The following KAZN variants were observed in gnomAD, a reference collection of about 807,000 sequenced individuals.
KAZN encodes kazrin, periplakin interacting protein.
In KAZN, 40 loss-of-function variants were observed where a neutral mutation model predicts 87.4. That is an observed-to-expected ratio of 0.46 (90% CI 0.36 to 0.60). The LOEUF is 0.60. Ranked by LOEUF, KAZN falls within the 20% of genes least tolerant of loss-of-function variation. KAZN has a pLI of 0.00. For synonymous variants in KAZN, 466 were observed against 458.3 expected (o/e 1.02, Z -0.22); for missense variants, 898 against 1,073.9 (o/e 0.84, Z 2.29).
chr1:15,092,060 G>GTTTTTTTTTTTTTTTTTTTTTTTTTTTTT (rs57460680), intron 8 of KAZN, among the ~76,000 whole-genome samples: 1 of 114,446 alleles, frequency 8.7e-6, no homozygotes, highest in Non-Finnish European at 1.8e-5. Context: ...TTGTTTTTTT[G>GTTTTTTTTTTTTTTTTTTTTTTTTTTTTT]TTTTTTTTTT....
intron 2 of KAZN, among the ~76,000 whole-genome samples, chr1:14,339,821 CATAAA>C (rs1189039710): frequency 6.6e-6 from 1 of 152,178 alleles, no homozygotes; most frequent in Non-Finnish European, 1.5e-5. Context: ...CCAGTTGACA[CATAAA>C]ATTAACTATC....
At chr1:14,344,331 G>GA (rs200107105) in intron 2 of KAZN, among the ~76,000 whole-genome samples, 44 of 144,966 alleles carry the variant, frequency 3.0e-4, no homozygotes, top group Non-Finnish European at 3.9e-4. Flanking sequence ...GACATAGTGT[G>GA]AAAAAAAAAA....
At chr1:14,161,117 A>T (rs1645700438) in intron 1 of KAZN, among the ~76,000 whole-genome samples, 1 of 152,268 alleles carries the variant, frequency 6.6e-6, no homozygotes, top group South Asian at 2.1e-4. Context: ...AGTTGCATAG[A>T]AGATGGAGTC....
intron 1 of KAZN, among the ~76,000 whole-genome samples, chr1:14,877,942 G>C (rs1262698218): frequency 6.6e-6 from 1 of 152,124 alleles, no homozygotes; most frequent in Non-Finnish European, 1.5e-5. Flanking sequence ...ACGGCACATT[G>C]GGAGAGACAG....
intron 2 of KAZN, among the ~76,000 whole-genome samples, chr1:14,990,301 C>A (rs1246246685): frequency 6.6e-6 from 1 of 152,168 alleles, no homozygotes; most frequent in Admixed American, 6.5e-5. Flanking sequence ...CCGCTCACTG[C>A]AACCTCCACC....
intron 2 of KAZN, among the ~76,000 whole-genome samples, chr1:14,405,165 G>A (rs34446132): frequency 0.033 from 5,055 of 152,268 alleles, 125 homozygotes; most frequent in South Asian, 0.089. Flanking sequence ...CCAAGGCTAT[G>A]TGTTGTCATG....
chr1:14,870,764 C>T (rs1652046642), intron 1 of KAZN, among the ~76,000 whole-genome samples: 1 of 152,178 alleles, frequency 6.6e-6, no homozygotes, highest in South Asian at 2.1e-4. Flanking sequence ...CAATCGGGGG[C>T]ATTTGTTGTG....
intron 2 of KAZN, among the ~76,000 whole-genome samples, chr1:14,394,483 T>C (rs1466960119): frequency 6.6e-6 from 1 of 152,200 alleles, no homozygotes; most frequent in Non-Finnish European, 1.5e-5. Context: ...TAATAATAAG[T>C]GATGGTATTT....
At position 14,265,681 on chromosome 1, in the gene KAZN, A is replaced by G. The variant is rs538146914; in HGVS notation, c.249+85089A>G. ...TGGAAATTTTATTTCACATGCCCCC[A>G]CAGCATCCTTGGGACTCAGGAAGGA... On this transcript the variant is annotated intron_variant, in intron 2 of 16. Transcript: ENST00000636203. Among the ~76,000 whole-genome samples the G allele has an allele frequency of 2.6e-5, 4 of 152,272 alleles. No individual in the cohort carries two copies. The East Asian group carries it at 7.7e-4, about 29-fold the overall frequency.
chr1:14,940,928 T>C (rs1304194570), intron 1 of KAZN, among the ~76,000 whole-genome samples: 2 of 123,384 alleles, frequency 1.6e-5, no homozygotes, highest in Non-Finnish European at 3.3e-5. Flanking sequence ...TTTTTTTTTT[T>C]TCTGAGAGAC....
intron 2 of KAZN, among the ~76,000 whole-genome samples, chr1:14,349,775 C>T (rs1658387171): frequency 6.6e-6 from 1 of 152,106 alleles, no homozygotes; most frequent in South Asian, 2.1e-4. Flanking sequence ...TAGGGACAGC[C>T]TGGCCTGGCA....
intron 1 of KAZN, among the ~76,000 whole-genome samples, chr1:14,808,290 CTTTT>C (rs57548450): frequency 1.5e-4 from 13 of 88,090 alleles, no homozygotes; most frequent in African/African-American, 3.9e-4. Flanking sequence ...AAAGAGGTTT[CTTTT>C]TTTTTTTTTT....
At position 14,998,521 on chromosome 1, in the gene KAZN, G is replaced by A. The variant is rs188556193; in HGVS notation, c.419-36228G>A. On this transcript the variant is annotated intron_variant, in intron 2 of 14. Transcript: ENST00000376030. ...CCTCATAATACCCTATGATGGAGGT[G>A]CTTTTATTGACTCCACTTCATTTAT... Among the ~76,000 whole-genome samples, 122 of 152,192 alleles carry A rather than the reference G, an allele frequency of 8.0e-4. 2 individuals carry two copies. Among genetic ancestry groups the A allele is most frequent in the South Asian group, 4.6e-3 (22 of 4,816 alleles).
chr1:14,845,282 AGTGGGG>A (rs1178764651), intron 1 of KAZN, among the ~76,000 whole-genome samples: 4 of 139,084 alleles, frequency 2.9e-5, no homozygotes, highest in Non-Finnish European at 6.2e-5. Flanking sequence ...TGGATGAGTG[AGTGGGG>A]GTGGATGGAT....
At chr1:14,485,922 A>T (rs1669331162) in intron 2 of KAZN, among the ~76,000 whole-genome samples, 1 of 151,622 alleles carries the variant, frequency 6.6e-6, no homozygotes, top group Non-Finnish European at 1.5e-5. Context: ...GTGGATATGA[A>T]TATGACTGCA....
chr1:14,503,328 C>T (rs1044119599), intron 2 of KAZN, among the ~76,000 whole-genome samples: 1 of 151,098 alleles, frequency 6.6e-6, no homozygotes, highest in Non-Finnish European at 1.5e-5. Flanking sequence ...ACTAAAAATA[C>T]AAAAAATTAG....
intron 1 of KAZN, among the ~76,000 whole-genome samples, chr1:14,956,202 G>T: frequency 6.7e-6 from 1 of 150,038 alleles, no homozygotes; most frequent in East Asian, 2.0e-4. Flanking sequence ...GCCTGGGTTT[G>T]AAGCCAAGTC....
intron 1 of KAZN, among the ~76,000 whole-genome samples, chr1:14,957,716 G>A (rs919416203): frequency 3.9e-5 from 6 of 152,198 alleles, no homozygotes; most frequent in African/African-American, 7.2e-5. Flanking sequence ...ACAGCTCTGC[G>A]GAGGCCCTGA....
intron 2 of KAZN, among the ~76,000 whole-genome samples, chr1:14,581,257 G>A (rs930974057): frequency 3.9e-5 from 6 of 152,074 alleles, no homozygotes; most frequent in African/African-American, 9.7e-5. Context: ...TTCCGCATTC[G>A]GGAAATGAAT....
Sources: allele counts gnomAD v4.1 joint callset (sites outside exome capture counted in the v4.1 genomes callset), GRCh38; gene constraint gnomAD v4.1.1; transcripts MANE v1.5; gene names NCBI Gene and HGNC (gene_info 2026-07-23, HGNC 2026-07-21).